SCNN1D: variants seen among roughly 807,000 people sequenced by gnomAD.
SCNN1D encodes epithelial sodium channel subunit delta.
In SCNN1D, 104 loss-of-function variants were observed where a neutral mutation model predicts 87.8. The observed-to-expected ratio is 1.18, with a 90% CI of 1.01 to 1.39. The LOEUF is 1.39. Among genes scored for constraint, SCNN1D ranks in the 40% most tolerant of loss-of-function variants. SCNN1D has a pLI of 0.00. For synonymous variants in SCNN1D, 628 were observed against 481.2 expected (o/e 1.31, Z -3.99); for missense variants, 1,324 against 1,093.9 (o/e 1.21, Z -2.97).
chr1:1,290,537 G>C lies in SCNN1D; in HGVS notation c.1841G>C (p.Arg614Pro). 1 of 1,612,624 alleles carries C rather than the reference G, an allele frequency of 6.2e-7. No individual in the cohort carries two copies. The change falls in exon 14 of 18, where the codon CGC becomes CCC. Residue 614 changes from arginine to proline, a missense_variant. Physicochemically the swap from Arg to Pro is moderately radical, Grantham distance 103. Coordinates refer to ENST00000379116, the MANE Select transcript of SCNN1D (RefSeq NM_001130413.4). Reference sequence around the variant, plus strand: ...ACCCACCGGCTCCCCTGTACCTCCCGCTGCCCCAGGCCCTGCAGGTGAGAC... The same window carrying C: ...ACCCACCGGCTCCCCTGTACCTCCCCCTGCCCCAGGCCCTGCAGGTGAGAC... Reference protein sequence around the residue: ...LETHRLPCTSRCPRPCRESAF... With the variant: ...LETHRLPCTSPCPRPCRESAF...
At chr1:1,288,101 G>C (rs1209778817) in intron 12 of SCNN1D, 64 bp downstream of exon 12, 1 of 1,107,264 alleles carries the variant, frequency 9.0e-7, no homozygotes, top group South Asian at 1.5e-5. Flanking sequence ...GGGTGTGGGC[G>C]GGTGGAACGG....
At position 1,287,779 on chromosome 1, in the gene SCNN1D, G is replaced by T; in HGVS notation, c.1506G>T (p.Leu502=). 1 of 1,595,590 alleles carries T rather than the reference G, an allele frequency of 6.3e-7. No individual in the cohort carries two copies. Among genetic ancestry groups the T allele is most frequent in the East Asian group, 2.3e-5 (1 of 43,744 alleles). Residue 502 remains leucine, a synonymous_variant, in exon 11 of 18, where the codon CTG becomes CTT. Transcript: ENST00000379116. ...MVHGRNHTPF[L]GHHSFSVRPG... The stretch of plus-strand genomic sequence containing the variant: ...ACGGCCGTAACCACACGCCCTTCCT[G>T]GGGCACCACAGCTTCAGCGTCCGGC...
At position 1,286,913 on chromosome 1, in the gene SCNN1D, C is replaced by A; in HGVS notation, c.1057C>A (p.Arg353=). ...PRHEPPFHLD[R]EIRLQRLSHS... ...CCACGAGCCCCCCTTCCACCTGGAC[C>A]GGGAGATCCGTCTGCAGAGGCTGAG... Residue 353 remains arginine, a synonymous_variant, in exon 8 of 18, where the codon CGG becomes AGG. Transcript: ENST00000379116. 3 of 1,612,520 alleles carry A rather than the reference C, an allele frequency of 1.9e-6. No individual in the cohort carries two copies. The highest frequency in any genetic ancestry group is 8.5e-7 in the Non-Finnish European group (1 of 1,179,838).
rs1570614759 is a variant in SCNN1D at position 1,290,894 on chromosome 1, G to A, written c.1918-1G>A. On this transcript the variant is annotated splice_acceptor_variant, in intron 15 of 17. Transcript: ENST00000379116. LOFTEE classifies it high-confidence loss of function. ...GGCCACAGCAAACCTTCCGTCTGCA[G>A]GGATGGACTCTGGCCACGCTAGGTG... The A allele has an allele frequency of 6.2e-7, 1 of 1,610,272 alleles. No individual in the cohort carries two copies. The highest frequency in any genetic ancestry group is 8.5e-7 in the Non-Finnish European group (1 of 1,179,090).
chr1:1,288,095 G>T, intron 12 of SCNN1D, 58 bp downstream of exon 12: 1 of 1,147,564 alleles, frequency 8.7e-7, no homozygotes, highest in South Asian at 1.5e-5. Context: ...GCCAGGGGGT[G>T]TGGGCGGGTG....
chr1:1,287,905 G>A, intron 11 of SCNN1D, 34 bp from the exon 12 acceptor site: 1 of 1,526,102 alleles, frequency 6.6e-7, no homozygotes, highest in East Asian at 2.5e-5. Flanking sequence ...GGGGGTGAGG[G>A]CAGGGCCCAT....
At chr1:1,290,441 A>G in intron 13 of SCNN1D, 36 bp from the exon 14 acceptor site, 1 of 1,611,982 alleles carries the variant, frequency 6.2e-7, no homozygotes, top group South Asian at 1.1e-5. Context: ...GGGGGGTCAC[A>G]GCGAGCCTCA....
intron 4 of SCNN1D, among the ~76,000 whole-genome samples, chr1:1,283,275 C>T (rs114027205): frequency 0.026 from 3,971 of 152,250 alleles, 84 homozygotes; most frequent in Non-Finnish European, 0.043. Context: ...AATGGCTGGG[C>T]GGCTGGTCCC....
rs752464649 is a variant in SCNN1D, at chr1:1,290,661, T to G, written c.1884T>G (p.Thr628=). 3 of 1,612,652 alleles carry G rather than the reference T, an allele frequency of 1.9e-6. No individual in the cohort carries two copies. In the East Asian group the frequency reaches 6.7e-5, roughly 36 times the overall value. ...GGGAGTCTGCATTCAAGCTCTCCAC[T>G]GGGACCTCCAGGTGGCCTTCCGCCA... ...PCRESAFKLS[T]GTSRWPSAKS... Residue 628 remains threonine, a synonymous_variant, in exon 15 of 18, where the codon ACT becomes ACG. Coordinates refer to ENST00000379116, the MANE Select transcript of SCNN1D (RefSeq NM_001130413.4).
chr1:1,285,726 G>A (rs1026431151), intron 6 of SCNN1D, 62 bp downstream of exon 6: 2 of 1,356,446 alleles, frequency 1.5e-6, no homozygotes, highest in African/African-American at 1.5e-5. Flanking sequence ...CTCAAACTCA[G>A]CTCCAAGGCT....
intron 5 of SCNN1D, among the ~76,000 whole-genome samples, chr1:1,284,603 GGGGGGTGCCGAGCGTGTGCTGGACCACT>G (rs1557580758): frequency 1.0e-4 from 15 of 146,632 alleles, no homozygotes; most frequent in East Asian, 4.2e-4. Flanking sequence ...GCTGGACCAC[GGGGGGTGCCGAGCGTGTGCTGGACCACT>G]GGGGGTGCAC....
In SCNN1D at chr1:1,290,310, A is replaced by T. The variant is rs935666068; in HGVS notation, c.1702A>T (p.Thr568Ser). 4 of 1,588,720 alleles carry T rather than the reference A, an allele frequency of 2.5e-6. No individual in the cohort carries two copies. The African/African-American group carries it at 5.4e-5, about 21-fold the overall frequency. Residue 568 changes from threonine (T) to serine (S), a missense_variant, in exon 13 of 18, where the codon ACC becomes TCC. Physicochemically the swap from Thr to Ser is moderately conservative, Grantham distance 58. Transcript: ENST00000379116. Reference protein sequence around the residue: ...VSCFQQLMVETCSCGYYLHPL... With the variant: ...VSCFQQLMVESCSCGYYLHPL... ...CTGCTTCCAGCAGCTGATGGTGGAGACCTGCTCCTGTGGCTACTACCTCCA... is the reference window on the plus strand; with the variant it reads ...CTGCTTCCAGCAGCTGATGGTGGAGTCCTGCTCCTGTGGCTACTACCTCCA...
chr1:1,287,893 T>C, intron 11 of SCNN1D, 46 bp from the exon 12 acceptor site: 1 of 1,519,952 alleles, frequency 6.6e-7, no homozygotes, highest in Non-Finnish European at 8.9e-7. Flanking sequence ...ACCTGGGCTT[T>C]GGGGGGTGAG....
intron 12 of SCNN1D, among the ~76,000 whole-genome samples, chr1:1,289,859 A>T (rs867215154): frequency 0.029 from 6 of 208 alleles, no homozygotes; most frequent in African/African-American, 0.071. Flanking sequence ...CCGTCCCCCG[A>T]GTCTCTGCTC....
At position 1,286,922 on chromosome 1, in the gene SCNN1D, C is replaced by A; in HGVS notation, c.1066C>A (p.Arg356Ser). ...CCCCTTCCACCTGGACCGGGAGATC[C>A]GTCTGCAGAGGCTGAGCCACTCGGG... ...EPPFHLDREI[R>S]LQRLSHSGSR... The change falls in exon 8 of 18, where the codon CGT becomes AGT. Residue 356 changes from arginine to serine, a missense_variant. By Grantham distance (110) the Arg-to-Ser change is moderately radical. Coordinates refer to ENST00000379116, the MANE Select transcript of SCNN1D (RefSeq NM_001130413.4). 2 of 1,612,538 alleles carry A rather than the reference C, an allele frequency of 1.2e-6. No homozygotes were observed. The highest frequency in any genetic ancestry group is 8.5e-7 in the Non-Finnish European group (1 of 1,179,844).
At chr1:1,288,238 CCCGTGTCTCTGCTCCG>C (rs1640660151) in intron 12 of SCNN1D, among the ~76,000 whole-genome samples, 1 of 116,660 alleles carries the variant, frequency 8.6e-6, no homozygotes, top group Non-Finnish European at 1.7e-5. Flanking sequence ...TCTGCTCCGT[CCCGTGTCTCTGCTCCG>C]TCCCGTGTCT....
chr1:1,280,819 C>T, intron 1 of SCNN1D, 153 bp downstream of exon 1: 5 of 619,384 alleles, frequency 8.1e-6, no homozygotes, highest in Non-Finnish European at 1.5e-5. Flanking sequence ...CCCACACGCA[C>T]CTTACTCCTC....
At chr1:1,290,191 C>T (rs1977346) in intron 12 of SCNN1D, 80 bp from the exon 13 acceptor site, 18,647 of 511,364 alleles carry the variant, frequency 0.036, 1,494 homozygotes, top group African/African-American at 0.14. Context: ...GTCCCGTGTC[C>T]CTGCTCCGTC....
Position 1,291,266 on chromosome 1 carries a change from C to T in SCNN1D, c.2065C>T (p.Leu689Phe). 6.4e-7 allele frequency: 1 copy of T among 1,561,980 alleles called. No individual in the cohort carries two copies. The highest frequency in any genetic ancestry group is 8.7e-7 in the Non-Finnish European group (1 of 1,155,142). ...EAPVYSVPQLLSAMGSLCSLW... is the reference protein window; with the variant it reads ...EAPVYSVPQLFSAMGSLCSLW... Reference sequence around the variant, plus strand: ...ACCCCACCCGCAGGTGCCGCAGCTGCTCTCGGCCATGGGCAGCCTCTGCAG... The same window carrying T: ...ACCCCACCCGCAGGTGCCGCAGCTGTTCTCGGCCATGGGCAGCCTCTGCAG... Residue 689 changes from leucine (L) to phenylalanine (F), a missense_variant, in exon 18 of 18, where the codon CTC becomes TTC. Transcript: ENST00000379116.
Sources: allele counts gnomAD v4.1 joint callset (sites outside exome capture counted in the v4.1 genomes callset), GRCh38; gene constraint gnomAD v4.1.1; transcripts MANE v1.5; gene names NCBI Gene and HGNC (gene_info 2026-07-23, HGNC 2026-07-21).